ZNF385D: variants seen among roughly 807,000 people sequenced by gnomAD.
ZNF385D encodes the protein zinc finger protein 659.
In ZNF385D, 15 loss-of-function variants were observed where a neutral mutation model predicts 35.8. The ratio of observed to expected loss-of-function variants is 0.42; its 90% confidence interval spans 0.28 to 0.64. The LOEUF (loss-of-function observed/expected upper bound fraction) is 0.64, where lower values mean the gene tolerates loss of function less well. Among genes scored for constraint, ZNF385D ranks in the 30% least tolerant of loss-of-function variants. ZNF385D has a pLI of 0.23. For synonymous variants in ZNF385D, 212 were observed against 186.8 expected, an observed-to-expected ratio of 1.13 and a Z score of -1.10; for missense variants, 474 against 494.6, an observed-to-expected ratio of 0.96 and a Z score of 0.39.
At chr3:22,372,636 G>T in exon 2 of ZNF385D, 1 of 399,968 alleles carries the variant, frequency 2.5e-6, no homozygotes, top group Non-Finnish European at 3.4e-6. Flanking sequence ...GGTGGTCGCC[G>T]CGAGCCGTGA....
At chr3:21,679,412 C>G (rs1450502164) in intron 1 of ZNF385D, among the ~76,000 whole-genome samples, 2 of 151,844 alleles carry the variant, frequency 1.3e-5, no homozygotes, top group African/African-American at 2.4e-5. Context: ...TAATTTGATT[C>G]TGAGTTAAGC....
At chr3:21,976,295 A>C (rs1703620046) in intron 3 of ZNF385D, among the ~76,000 whole-genome samples, 1 of 152,190 alleles carries the variant, frequency 6.6e-6, no homozygotes, top group Non-Finnish European at 1.5e-5. Flanking sequence ...TAGACAACAG[A>C]AACATATCTA....
chr3:21,909,260 T>C (rs926475197), intron 3 of ZNF385D, among the ~76,000 whole-genome samples: 1 of 152,130 alleles, frequency 6.6e-6, no homozygotes, highest in Non-Finnish European at 1.5e-5. Flanking sequence ...GACAGAACTC[T>C]GTCACTGCAC....
chr3:22,159,693 T>G (rs1169774431), intron 3 of ZNF385D, among the ~76,000 whole-genome samples: 2 of 152,144 alleles, frequency 1.3e-5, no homozygotes, highest in Non-Finnish European at 2.9e-5. Flanking sequence ...TTGAACACAG[T>G]GAAATTAGCA....
At chr3:21,849,120 T>C (rs532814807) in intron 3 of ZNF385D, among the ~76,000 whole-genome samples, 4 of 152,198 alleles carry the variant, frequency 2.6e-5, no homozygotes, top group African/African-American at 7.2e-5. Flanking sequence ...ACTTGGGTTA[T>C]ACACATGCAT....
At chr3:22,159,562 A>G (rs1195589952) in intron 3 of ZNF385D, among the ~76,000 whole-genome samples, 3 of 152,042 alleles carry the variant, frequency 2.0e-5, no homozygotes, top group South Asian at 2.1e-4. Flanking sequence ...GTGCCCTTCA[A>G]TGGAATTCAT....
At chr3:22,174,448 T>C (rs1269662252) in intron 2 of ZNF385D, among the ~76,000 whole-genome samples, 1 of 152,122 alleles carries the variant, frequency 6.6e-6, no homozygotes, top group Non-Finnish European at 1.5e-5. Flanking sequence ...GTGTAAGTAG[T>C]TTTACAAATG....
At chr3:22,185,620 A>G (rs1243307631) in intron 2 of ZNF385D, among the ~76,000 whole-genome samples, 1 of 152,148 alleles carries the variant, frequency 6.6e-6, no homozygotes. Context: ...GGCACCTGCC[A>G]CCACACCCAG....
At chr3:22,010,473 G>T (rs1250083865) in intron 3 of ZNF385D, among the ~76,000 whole-genome samples, 3 of 152,172 alleles carry the variant, frequency 2.0e-5, no homozygotes, top group Non-Finnish European at 4.4e-5. Flanking sequence ...AGGACAAAAA[G>T]ATAAATCAAG....
intron 2 of ZNF385D, among the ~76,000 whole-genome samples, chr3:21,612,077 CATTATT>C (rs150358388): frequency 0.027 from 4,068 of 151,664 alleles, 186 homozygotes; most frequent in African/African-American, 0.094. Context: ...GTGGAGCAGT[CATTATT>C]ATTATTATTA....
chr3:22,304,741 A>G (rs1703110516), intron 2 of ZNF385D, among the ~76,000 whole-genome samples: 4 of 152,100 alleles, frequency 2.6e-5, no homozygotes, highest in Admixed American at 2.6e-4. Context: ...CTTATGTTGA[A>G]TATTTCTTAA....
intron 2 of ZNF385D, among the ~76,000 whole-genome samples, chr3:22,259,848 T>G (rs536251573): frequency 9.9e-5 from 15 of 150,854 alleles, no homozygotes; most frequent in African/African-American, 3.7e-4. Flanking sequence ...AAAAAAAAAC[T>G]AATACAAATG....
At chr3:21,818,653 G>T (rs1052875719) in intron 3 of ZNF385D, among the ~76,000 whole-genome samples, 1 of 151,950 alleles carries the variant, frequency 6.6e-6, no homozygotes, top group Non-Finnish European at 1.5e-5. Context: ...AAGATATATG[G>T]CCTCACACTC....
intron 2 of ZNF385D, among the ~76,000 whole-genome samples, chr3:22,175,525 T>G (rs146510580): frequency 0.034 from 5,121 of 152,132 alleles, 139 homozygotes; most frequent in Non-Finnish European, 0.051. Flanking sequence ...AAGTTGCCCA[T>G]GCAGGATTTA....
chr3:21,463,754 C>T (rs1157376432), intron 4 of ZNF385D, among the ~76,000 whole-genome samples: 1 of 152,188 alleles, frequency 6.6e-6, no homozygotes, highest in Non-Finnish European at 1.5e-5. Context: ...TCTGCAGCCC[C>T]TCAGTTTTCA....
At chr3:22,046,909 C>T (rs912878363) in intron 3 of ZNF385D, among the ~76,000 whole-genome samples, 3 of 152,046 alleles carry the variant, frequency 2.0e-5, no homozygotes, top group South Asian at 2.1e-4. Flanking sequence ...ACACTTTATA[C>T]TATACTATAT....
chr3:22,013,048 A>G (rs1042303502), intron 3 of ZNF385D, among the ~76,000 whole-genome samples: 1 of 152,142 alleles, frequency 6.6e-6, no homozygotes, highest in African/African-American at 2.4e-5. Context: ...AATTTAAGAA[A>G]TGTATGGAAG....
intron 2 of ZNF385D, among the ~76,000 whole-genome samples, chr3:22,208,799 T>C (rs1212817402): frequency 6.6e-6 from 1 of 151,906 alleles, no homozygotes; most frequent in Non-Finnish European, 1.5e-5. Flanking sequence ...TGAGGCATTG[T>C]CAGCAGTTTC....
Position 21,501,885 on chromosome 3 carries a change from T to A in ZNF385D, c.439+8976A>T, listed in dbSNP as rs549073994. ...GGAGTTTTAATTTAATTTTTAAATT[T>A]CATCCAGATGTCTATTATATCATAA... On this transcript the variant is annotated intron_variant, in intron 4 of 7. Transcript: ENST00000281523. Among the ~76,000 whole-genome samples, 6 of 152,346 alleles carry A rather than the reference T, an allele frequency of 3.9e-5. No homozygotes were observed. The South Asian group carries it at 1.2e-3, about 32-fold the overall frequency.
Sources: allele counts gnomAD v4.1 joint callset (sites outside exome capture counted in the v4.1 genomes callset), GRCh38; gene constraint gnomAD v4.1.1; transcripts MANE v1.5; gene names NCBI Gene and HGNC (gene_info 2026-07-23, HGNC 2026-07-21).